The following BTG3 variants were observed in gnomAD, a reference collection of about 807,000 sequenced individuals.
The protein encoded by BTG3 is BTG anti-proliferation factor 3.
BTG3 carries 4 observed loss-of-function variants against 25.8 expected under a neutral mutation model. The ratio of observed to expected loss-of-function variants is 0.16; its 90% CI spans 0.08 to 0.36. The LOEUF is 0.36. Among genes scored for constraint, BTG3 ranks in the 10% least tolerant of loss-of-function variants. The pLI is 1.00. For synonymous variants in BTG3, 107 were observed against 99.9 expected (o/e 1.07, Z -0.42); for missense variants, 201 against 304.9 (o/e 0.66, Z 2.54).
Position 17,594,018 on chromosome 21 carries a change from C to CTT in BTG3, c.*73_*74dup. ...CTAACTTCACTACTATTAGTAAGAA[C>CTT]TTTTAACTTTTAATGTGTAGTAAGG... On this transcript the variant is annotated 3_prime_UTR_variant, in exon 5 of 5. Coordinates refer to ENST00000348354, the MANE Select transcript of BTG3 (RefSeq NM_006806.5). 1 of 1,509,772 alleles carries CTT rather than the reference C, an allele frequency of 6.6e-7. No homozygotes were observed. 93.5% of individuals were successfully genotyped at this position (1,509,772 alleles called of 1,614,324 possible).
Position 17,606,933 on chromosome 21 carries a change from T to C in BTG3, c.174-1936A>G, listed in dbSNP as rs534811032. 9.8e-5 allele frequency among the ~76,000 whole-genome samples: 15 copies of C among 152,306 alleles called. No homozygotes were observed. In the South Asian group the frequency reaches 1.9e-3, roughly 19 times the overall value. ...AATATTTTTATAGATCTTGATAATATTGCCAAATTGCTCTCTACAAGTATC... is the reference window on the plus strand; with the variant it reads ...AATATTTTTATAGATCTTGATAATACTGCCAAATTGCTCTCTACAAGTATC... On this transcript the variant is annotated intron_variant, in intron 2 of 4. Coordinates refer to ENST00000348354, the MANE Select transcript of BTG3 (RefSeq NM_006806.5).
chr21:17,594,438 C>G, intron 4 of BTG3, 106 bp from the exon 5 acceptor site: 23 of 1,277,828 alleles, frequency 1.8e-5, no homozygotes, highest in African/African-American at 4.5e-5. Context: ...ACTGAGATCA[C>G]ATCTAAGTGA....
intron 2 of BTG3, among the ~76,000 whole-genome samples, chr21:17,605,899 C>G (rs1197761605): frequency 6.6e-6 from 1 of 152,078 alleles, no homozygotes; most frequent in Non-Finnish European, 1.5e-5. Context: ...GTACCTCTTC[C>G]TCAGACCTGT....
intron 1 of BTG3, chr21:17,611,819 T>G (rs1460375951): frequency 1.3e-5 from 2 of 152,210 alleles, no homozygotes; most frequent in Non-Finnish European, 2.9e-5. Context: ...AAGCTCGGCC[T>G]CGCAGGAGTT....
intron 4 of BTG3, among the ~76,000 whole-genome samples, chr21:17,594,810 A>C (rs961688599): frequency 6.6e-6 from 1 of 152,008 alleles, no homozygotes; most frequent in African/African-American, 2.4e-5. Flanking sequence ...TTATGAACAC[A>C]AAGAAGGAAA....
At chr21:17,610,504 G>A (rs2061705828) in intron 1 of BTG3, among the ~76,000 whole-genome samples, 2 of 152,122 alleles carry the variant, frequency 1.3e-5, no homozygotes, top group South Asian at 4.1e-4. Flanking sequence ...CAAACTAAAA[G>A]AAATAATCAG....
chr21:17,605,073 C>A, intron 2 of BTG3, 76 bp from the exon 3 acceptor site: 1 of 1,484,102 alleles, frequency 6.7e-7, no homozygotes. Flanking sequence ...TTCATACTTG[C>A]CAAGGTGAGT....
At chr21:17,611,358 T>C (rs2061721002) in intron 1 of BTG3, among the ~76,000 whole-genome samples, 1 of 152,216 alleles carries the variant, frequency 6.6e-6, no homozygotes, top group African/African-American at 2.4e-5. Flanking sequence ...ATGTGCCACA[T>C]ATCTGAGTTC....
chr21:17,611,779 G>A (rs796455063), intron 1 of BTG3: 7 of 152,376 alleles, frequency 4.6e-5, no homozygotes, highest in African/African-American at 1.7e-4. Context: ...TCACGGCTGC[G>A]TGGATAAAAC....
At chr21:17,605,237 C>A in intron 2 of BTG3, 1 of 349,272 alleles carries the variant, frequency 2.9e-6, no homozygotes. Flanking sequence ...GGGTCTACCT[C>A]AGTCTACCCA....
chr21:17,604,950 T>G lies in BTG3; in HGVS notation c.221A>C (p.Lys74Thr), dbSNP rs2061620396. Residue 74 changes from lysine (K) to threonine (T), a missense_variant, in exon 3 of 5, where the codon AAA becomes ACA. By Grantham distance (78) the Lys-to-Thr change is moderately conservative. Around this residue, in one of 2 missense-constraint regions of BTG3, gnomAD observed 70 missense variants for 175.7 expected, o/e 0.40. Coordinates refer to ENST00000348354, the MANE Select transcript of BTG3 (RefSeq NM_006806.5). ...CAAGATGCAGCTGTTTTCACAGGCT[T>G]TCAGGACATCAGGATCAACTCTCTG... ...KFQRVDPDVL[K>T]ACENSCILYS... The G allele has an allele frequency of 6.2e-7, 1 of 1,614,070 alleles. No individual in the cohort carries two copies. The highest frequency in any genetic ancestry group is 1.7e-5 in the Admixed American group (1 of 60,016).
intron 1 of BTG3, among the ~76,000 whole-genome samples, chr21:17,610,226 A>T (rs993942910): frequency 1.3e-5 from 2 of 152,202 alleles, no homozygotes; most frequent in Non-Finnish European, 2.9e-5. Flanking sequence ...TGAGGTGATA[A>T]AAATATTTAC....
At chr21:17,602,753 C>T (rs1277911598) in intron 3 of BTG3, among the ~76,000 whole-genome samples, 3 of 152,156 alleles carry the variant, frequency 2.0e-5, no homozygotes, top group African/African-American at 7.2e-5. Flanking sequence ...TACCAGGCAT[C>T]ATCAAGTAAT....
At chr21:17,599,987 GCTTA>G (rs1355043113) in intron 3 of BTG3, among the ~76,000 whole-genome samples, 6 of 152,058 alleles carry the variant, frequency 3.9e-5, no homozygotes, top group African/African-American at 9.7e-5. Context: ...AAATTATATT[GCTTA>G]CTTCAGAGTT....
chr21:17,595,528 T>C (rs909368949), intron 4 of BTG3, among the ~76,000 whole-genome samples: 9 of 152,024 alleles, frequency 5.9e-5, no homozygotes, highest in Admixed American at 6.6e-5. Context: ...GTATACTGGA[T>C]TGTATCCTGC....
intron 4 of BTG3, among the ~76,000 whole-genome samples, chr21:17,597,571 TCTCA>T (rs1653406188): frequency 6.6e-6 from 1 of 152,012 alleles, no homozygotes; most frequent in Non-Finnish European, 1.5e-5. Context: ...AAAGAGGACT[TCTCA>T]CTATTATACT....
chr21:17,608,109 G>C (rs2061669145), intron 2 of BTG3, among the ~76,000 whole-genome samples: 1 of 152,180 alleles, frequency 6.6e-6, no homozygotes, highest in Non-Finnish European at 1.5e-5. Flanking sequence ...GCTCACGCCT[G>C]TAATCCTCAC....
At chr21:17,605,184 A>T in intron 2 of BTG3, 187 bp from the exon 3 acceptor site, 1 of 614,920 alleles carries the variant, frequency 1.6e-6, no homozygotes, top group Non-Finnish European at 2.6e-6. Context: ...GCAGCCTGAA[A>T]AAAAGATGGC....
Position 17,599,475 on chromosome 21 carries a change from A to ATTT in BTG3, c.312-654_312-652dup, listed in dbSNP as rs11447568. 1.4e-3 allele frequency among the ~76,000 whole-genome samples: 163 copies of ATTT among 117,226 alleles called. 5 individuals are homozygous for ATTT. Among genetic ancestry groups the ATTT allele is most frequent in the African/African-American group, 4.7e-3 (144 of 30,454 alleles). The allele number at this position is 117,226 out of a possible 152,430, so 76.9% of individuals were successfully genotyped here. On this transcript the variant is annotated intron_variant, in intron 3 of 4. Transcript: ENST00000348354. ...AATTACAGGCATGCGCCACTGGCTGATTTTTTTTTTTTTTTTTTTGAGACG... is the reference window on the plus strand; with the variant it reads ...AATTACAGGCATGCGCCACTGGCTGATTTTTTTTTTTTTTTTTTTTTTGAGACG...
Sources: allele counts gnomAD v4.1 joint callset (sites outside exome capture counted in the v4.1 genomes callset), GRCh38; gene constraint gnomAD v4.1.1; regional missense constraint gnomAD v4.1.1; transcripts MANE v1.5; gene names NCBI Gene and HGNC (gene_info 2026-07-23, HGNC 2026-07-21).